Variants in AREL1 observed in about 807,000 individuals in gnomAD.
AREL1 encodes the protein apoptosis resistant E3 ubiquitin protein ligase 1.
In AREL1, 62 loss-of-function variants were observed where a neutral mutation model predicts 99.0. The ratio of observed to expected loss-of-function variants is 0.63; its 90% confidence interval spans 0.51 to 0.77. AREL1 has a LOEUF of 0.77. Among genes scored for constraint, AREL1 ranks in the 30% least tolerant of loss-of-function variants. The probability of loss-of-function intolerance (pLI) is 0.00; values close to 1 mark genes in which losing one functional copy is unlikely to be tolerated. For synonymous variants in AREL1, 380 were observed against 376.5 expected (o/e 1.01, Z -0.11); for missense variants, 879 against 1,027.6 (o/e 0.86, Z 1.98).
At chr14:74,681,831 G>A (rs1300540831) in intron 5 of AREL1, among the ~76,000 whole-genome samples, 2 of 150,416 alleles carry the variant, frequency 1.3e-5, no homozygotes, top group Non-Finnish European at 1.5e-5. Context: ...GGCTGTAAAA[G>A]GGCAACATAA....
In AREL1 at chr14:74,670,560, C is replaced by T. The variant is rs17782671; in HGVS notation, c.1608+202G>A. 2,853 of 534,364 alleles carry T rather than the reference C, an allele frequency of 5.3e-3. 16 individuals carry two copies. The highest frequency in any genetic ancestry group is 7.9e-3 in the Non-Finnish European group (2,359 of 299,826). 33.1% of individuals were successfully genotyped at this position (534,364 alleles called of 1,614,324 possible). ...ATGTTTTTAGTCAAATATTCAGCTGCCTGCATTTTTGCTTATTTTACAGAT... is the reference window on the plus strand; with the variant it reads ...ATGTTTTTAGTCAAATATTCAGCTGTCTGCATTTTTGCTTATTTTACAGAT... On this transcript the variant is annotated intron_variant, in intron 13 of 19. Coordinates refer to ENST00000356357, the MANE Select transcript of AREL1 (RefSeq NM_001039479.2).
chr14:74,672,847 T>A lies in AREL1; in HGVS notation c.1406A>T (p.His469Leu). 4.3e-6 allele frequency: 7 copies of A among 1,614,228 alleles called. No individual in the cohort carries two copies. Among genetic ancestry groups the A allele is most frequent in the Non-Finnish European group, 5.1e-6 (6 of 1,180,020 alleles). Residue 469 changes from histidine to leucine, a missense_variant, in exon 11 of 20, where the codon CAT becomes CTT. His to Leu is a moderately conservative substitution (Grantham distance 99). Transcript: ENST00000356357. ...HSKVTLKVSR[H>L]ALLESSLKAT... ...TTTACCTACCGATTCCAACAAGGCATGTCTGCTGACCTTCAGGGTGACTTT... is the reference window on the plus strand; with the variant it reads ...TTTACCTACCGATTCCAACAAGGCAAGTCTGCTGACCTTCAGGGTGACTTT...
intron 1 of AREL1, among the ~76,000 whole-genome samples, chr14:74,703,031 C>A (rs887685077): frequency 6.6e-6 from 1 of 152,242 alleles, no homozygotes; most frequent in Non-Finnish European, 1.5e-5. Flanking sequence ...GCCCTCCAAA[C>A]TGTTCTAACC....
At chr14:74,689,020 T>C (rs991540457) in intron 2 of AREL1, among the ~76,000 whole-genome samples, 4 of 151,038 alleles carry the variant, frequency 2.6e-5, no homozygotes, top group African/African-American at 9.7e-5. Context: ...GTATTTTTTT[T>C]TTTTTTTAGT....
intron 5 of AREL1, among the ~76,000 whole-genome samples, chr14:74,681,219 A>T (rs2089619791): frequency 6.6e-6 from 1 of 152,004 alleles, no homozygotes; most frequent in African/African-American, 2.4e-5. Flanking sequence ...CCACGTTTGG[A>T]GAGAAAAAAA....
At chr14:74,712,898 T>C in intron 1 of AREL1, 35 bp downstream of exon 1, 1 of 612,958 alleles carries the variant, frequency 1.6e-6, no homozygotes, top group Non-Finnish European at 3.0e-6. Context: ...AGGCAGGTCT[T>C]CTGGGCTCTG....
chr14:74,675,086 A>G (rs1280470036), intron 8 of AREL1, among the ~76,000 whole-genome samples: 2 of 152,258 alleles, frequency 1.3e-5, no homozygotes, highest in Non-Finnish European at 2.9e-5. Flanking sequence ...ACAAAGAAGT[A>G]TAATGAAACT....
In AREL1 at chr14:74,663,788, A is replaced by G; in HGVS notation, c.2404T>C (p.Tyr802His). 1 of 1,614,186 alleles carries G rather than the reference A, an allele frequency of 6.2e-7. No homozygotes were observed. Residue 802 changes from tyrosine (Y) to histidine (H), a missense_variant, in exon 20 of 20, where the codon TAT becomes CAT. Coordinates refer to ENST00000356357, the MANE Select transcript of AREL1 (RefSeq NM_001039479.2). ...TGCAGCATCCTGTGCACCTCTTCAT[A>G]GGAGTCATATGTAGGGAGGCACAGC... ...NQLCLPTYDS[Y>H]EEVHRMLQLA...
At position 74,664,943 on chromosome 14, in the gene AREL1, G is replaced by C. The variant is rs1377937890; in HGVS notation, c.2104-18C>G. 1.9e-6 allele frequency: 3 copies of C among 1,607,458 alleles called. No homozygotes were observed. Among genetic ancestry groups the C allele is most frequent in the Non-Finnish European group, 2.6e-6 (3 of 1,174,676 alleles). ...ATCAGCAGCTGGAAAAAGATGGTAA[G>C]GTGTTACTATGACAGTCAGAGAGAC... On this transcript the variant is annotated intron_variant, in intron 17 of 19. Transcript: ENST00000356357.
chr14:74,704,740 G>C (rs1377297261), intron 1 of AREL1, among the ~76,000 whole-genome samples: 1 of 152,070 alleles, frequency 6.6e-6, no homozygotes, highest in African/African-American at 2.4e-5. Context: ...ACTTTTTAAA[G>C]AGTACAAGTT....
At chr14:74,668,241 C>T (rs2089252056) in intron 15 of AREL1, among the ~76,000 whole-genome samples, 1 of 152,204 alleles carries the variant, frequency 6.6e-6, no homozygotes, top group Non-Finnish European at 1.5e-5. Flanking sequence ...TTGGTATCCC[C>T]CAATAAACTC....
intron 1 of AREL1, chr14:74,698,795 G>T: frequency 3.8e-6 from 1 of 266,194 alleles, no homozygotes; most frequent in Non-Finnish European, 8.2e-6. Flanking sequence ...AGGCTGAGGT[G>T]GGAGGATGGC....
Position 74,669,623 on chromosome 14 carries a change from C to T in AREL1, c.1914+26G>A, listed in dbSNP as rs778063754. On this transcript the variant is annotated intron_variant, in intron 15 of 19. Transcript: ENST00000356357. ...CTACAGGAAACTGGAGAACATAGGA[C>T]CCAGAGGCTTTGTCCTCTTTCTCAC... 19 of 1,611,130 alleles carry T rather than the reference C, an allele frequency of 1.2e-5. No individual in the cohort carries two copies. The East Asian group carries it at 3.8e-4, about 32-fold the overall frequency.
chr14:74,677,753 G>A (rs377140484), intron 5 of AREL1, among the ~76,000 whole-genome samples: 14 of 150,300 alleles, frequency 9.3e-5, no homozygotes, highest in Non-Finnish European at 1.5e-4. Flanking sequence ...TGCCCGCCTC[G>A]GCCTCCCAAA....
chr14:74,675,778 T>C lies in AREL1; in HGVS notation c.1001A>G (p.Asp334Gly). The C allele has an allele frequency of 6.2e-7, 1 of 1,614,200 alleles. No homozygotes were observed. Among genetic ancestry groups the C allele is most frequent in the East Asian group, 2.2e-5 (1 of 44,886 alleles). ...GTGGCACTCAGAGGGCGAGTCTTCA[T>C]CTTCCTCGTCAACAGCAGTGGATGG... Reference protein sequence around the residue: ...RRPSTAVDEEDEDSPSECHTP... With the variant: ...RRPSTAVDEEGEDSPSECHTP... The change falls in exon 8 of 20, where the codon GAT (aspartate) becomes GGT (glycine). Residue 334 changes from aspartate to glycine, a missense_variant. Physicochemically the swap from Asp to Gly is moderately conservative, Grantham distance 94 (BLOSUM62 -1). Coordinates refer to ENST00000356357, the MANE Select transcript of AREL1 (RefSeq NM_001039479.2).
chr14:74,678,228 G>T, intron 5 of AREL1: 1 of 454,936 alleles, frequency 2.2e-6, no homozygotes, highest in South Asian at 1.6e-5. Context: ...TGTGTGACTT[G>T]GCTCACGCCT....
intron 4 of AREL1, 68 bp from the exon 5 acceptor site, chr14:74,683,601 G>T: frequency 6.9e-7 from 1 of 1,450,548 alleles, no homozygotes; most frequent in Non-Finnish European, 9.6e-7. Flanking sequence ...TGTAGAGTGA[G>T]TGGGGAGAGA....
chr14:74,692,005 C>T (rs770374557), intron 2 of AREL1, 36 bp downstream of exon 2: 3 of 334,086 alleles, frequency 9.0e-6, no homozygotes, highest in Non-Finnish European at 1.7e-5. Flanking sequence ...GTTGTACATC[C>T]CAATAACTAA....
intron 2 of AREL1, 45 bp downstream of exon 2, chr14:74,691,996 T>C (rs1413278841): frequency 3.1e-6 from 1 of 325,132 alleles, no homozygotes; most frequent in East Asian, 1.0e-4. Context: ...TGGATCCATG[T>C]TGTACATCCC....
Sources: gnomAD v4.1 joint callset for allele counts (sites outside exome capture counted in the v4.1 genomes callset) on GRCh38, gnomAD v4.1.1 for gene constraint, MANE v1.5 for transcripts, NCBI Gene and HGNC (gene_info 2026-07-23, HGNC 2026-07-21) for gene names.